Variants in SDK1 observed in about 807,000 individuals in gnomAD.
The protein encoded by SDK1 is protein sidekick-1.
A neutral mutation model predicts 245.5 loss-of-function variants in SDK1; 157 were observed. The ratio of observed to expected loss-of-function variants is 0.64; its 90% CI spans 0.56 to 0.73. The LOEUF is 0.73. SDK1 is among the 30% of genes least tolerant of loss of function. SDK1 has a pLI of 0.00. For synonymous variants in SDK1, 1,647 were observed against 1,278.5 expected (o/e 1.29, Z -6.15); for missense variants, 3,583 against 3,002.3 (o/e 1.19, Z -4.52).
intron 1 of SDK1, among the ~76,000 whole-genome samples, chr7:3,509,045 C>T (rs1033526633): frequency 6.6e-5 from 10 of 151,866 alleles, no homozygotes; most frequent in Admixed American, 6.6e-4. Context: ...CTCAGCATAT[C>T]AGGGCAGCCT....
At chr7:3,807,056 T>C in intron 4 of SDK1, among the ~76,000 whole-genome samples, 1 of 152,306 alleles carries the variant, frequency 6.6e-6, no homozygotes, top group Middle Eastern at 3.4e-3. Context: ...TCATTTTAGA[T>C]ATATCCTAAT....
intron 5 of SDK1, among the ~76,000 whole-genome samples, chr7:3,881,310 A>G (rs1781203907): frequency 1.3e-5 from 2 of 151,882 alleles, no homozygotes. Flanking sequence ...GTGTCCATGT[A>G]TTCTCATCGT....
At chr7:4,185,827 G>C (rs1782858023) in intron 35 of SDK1, among the ~76,000 whole-genome samples, 1 of 123,026 alleles carries the variant, frequency 8.1e-6, no homozygotes, top group African/African-American at 3.0e-5. Context: ...GGGAGGGAGA[G>C]AAACACATTT....
intron 4 of SDK1, among the ~76,000 whole-genome samples, chr7:3,803,761 T>C (rs1225235838): frequency 1.4e-5 from 2 of 148,014 alleles, no homozygotes; most frequent in African/African-American, 5.0e-5. Context: ...TTTTTTTTTT[T>C]TTTTTGAGAC....
At chr7:3,902,087 G>A (rs1236395035) in intron 5 of SDK1, among the ~76,000 whole-genome samples, 4 of 152,116 alleles carry the variant, frequency 2.6e-5, no homozygotes, top group Non-Finnish European at 4.4e-5. Flanking sequence ...AAGCTTTGGT[G>A]CCTTTGAGTG....
At chr7:3,555,904 A>T (rs1003300929) in intron 1 of SDK1, among the ~76,000 whole-genome samples, 3 of 152,200 alleles carry the variant, frequency 2.0e-5, no homozygotes, top group African/African-American at 7.2e-5. Flanking sequence ...TTTATCTTAA[A>T]GACAGGCAGT....
At chr7:3,409,937 G>A (rs796084229) in intron 1 of SDK1, among the ~76,000 whole-genome samples, 1 of 152,088 alleles carries the variant, frequency 6.6e-6, no homozygotes, top group African/African-American at 2.4e-5. Context: ...CATAACAGGA[G>A]CCACTATTTG....
chr7:3,552,325 G>C (rs932711632), intron 1 of SDK1, among the ~76,000 whole-genome samples: 1 of 152,156 alleles, frequency 6.6e-6, no homozygotes, highest in Non-Finnish European at 1.5e-5. Flanking sequence ...ACAGGTGTGA[G>C]CCACCGCGCC....
At chr7:3,592,130 A>C (rs1323542833) in intron 1 of SDK1, among the ~76,000 whole-genome samples, 1 of 152,210 alleles carries the variant, frequency 6.6e-6, no homozygotes, top group Admixed American at 6.5e-5. Context: ...CTGCCTGTGG[A>C]GTGAGGAATT....
intron 13 of SDK1, among the ~76,000 whole-genome samples, chr7:3,979,263 G>A (rs1783209058): frequency 2.0e-5 from 3 of 152,204 alleles, no homozygotes; most frequent in African/African-American, 7.2e-5. Flanking sequence ...TGTTGTGGAA[G>A]CCAGTTGGGG....
chr7:3,602,618 G>T (rs147183488), intron 1 of SDK1, among the ~76,000 whole-genome samples: 5 of 151,510 alleles, frequency 3.3e-5, no homozygotes, highest in South Asian at 2.1e-4. Context: ...TTCTCCCATT[G>T]TGTAGGTTCC....
At chr7:3,557,176 T>A (rs886254682) in intron 1 of SDK1, among the ~76,000 whole-genome samples, 2 of 151,972 alleles carry the variant, frequency 1.3e-5, no homozygotes, top group Non-Finnish European at 2.9e-5. Context: ...CCTGGTCCTT[T>A]AAAAACTTTA....
chr7:4,079,637 C>T (rs556738297), intron 22 of SDK1, 53 bp downstream of exon 22: 6 of 1,605,112 alleles, frequency 3.7e-6, no homozygotes, highest in Non-Finnish European at 2.6e-6. Context: ...AGTGTTGGGG[C>T]CTGTGAATGA....
At position 4,077,296 on chromosome 7, in the gene SDK1, A is replaced by G. The variant is rs1287654890; in HGVS notation, c.3202+107A>G. 14 of 1,082,674 alleles carry G rather than the reference A, an allele frequency of 1.3e-5. No homozygotes were observed. The Admixed American group carries it at 3.0e-4, about 23-fold the overall frequency. 67.1% of individuals were successfully genotyped at this position (1,082,674 alleles called of 1,614,324 possible). A position where few individuals can be genotyped will look rare whatever the true frequency, so the allele number is the denominator to read the frequency against. On this transcript the variant is annotated intron_variant, in intron 21 of 44. Coordinates refer to ENST00000404826, the MANE Select transcript of SDK1 (RefSeq NM_152744.4). ...TGTGGAAGCCACTGAGTGCCTTGAA[A>G]AGGAGTAGTGGCCTCCTGCCAAGAT...
chr7:4,225,911 C>T (rs1213293678), intron 40 of SDK1, among the ~76,000 whole-genome samples: 1 of 151,780 alleles, frequency 6.6e-6, no homozygotes, highest in African/African-American at 2.4e-5. Context: ...AACGATCTCC[C>T]CTTTCGGATC....
chr7:4,261,527 C>T (rs1009738508), intron 44 of SDK1, among the ~76,000 whole-genome samples: 1 of 152,114 alleles, frequency 6.6e-6, no homozygotes. Flanking sequence ...GGGCCACAGC[C>T]GTCTGTCTTA....
intron 34 of SDK1, 63 bp from the exon 35 acceptor site, chr7:4,178,422 A>G (rs1782383392): frequency 3.3e-6 from 4 of 1,210,662 alleles, no homozygotes; most frequent in Non-Finnish European, 4.9e-6. Context: ...TCATAGGGGG[A>G]ACTTTGGAGA....
At chr7:3,889,795 A>G (rs1781416376) in intron 5 of SDK1, among the ~76,000 whole-genome samples, 1 of 152,164 alleles carries the variant, frequency 6.6e-6, no homozygotes, top group Non-Finnish European at 1.5e-5. Context: ...GGCATGAGCC[A>G]TCGTGCCTGG....
Position 3,648,259 on chromosome 7 carries a change from G to T in SDK1, c.713+6154G>T, listed in dbSNP as rs192585265. ...TTCCTCCACGACGTTATTTATGTTGGTAGTTATCAGATTAGAACACAAAAT... is the reference window on the plus strand; with the variant it reads ...TTCCTCCACGACGTTATTTATGTTGTTAGTTATCAGATTAGAACACAAAAT... On this transcript the variant is annotated intron_variant, in intron 4 of 44. Coordinates refer to ENST00000404826, the MANE Select transcript of SDK1 (RefSeq NM_152744.4). 3.1e-4 allele frequency among the ~76,000 whole-genome samples: 47 copies of T among 152,246 alleles called. No homozygotes were observed. The East Asian group carries it at 6.6e-3, about 21-fold the overall frequency.
Sources: allele counts gnomAD v4.1 joint callset (sites outside exome capture counted in the v4.1 genomes callset), GRCh38; gene constraint gnomAD v4.1.1; transcripts MANE v1.5; gene names NCBI Gene and HGNC (gene_info 2026-07-23, HGNC 2026-07-21).